UHMK1: variants seen among roughly 807,000 people sequenced by gnomAD.
UHMK1 encodes serine/threonine-protein kinase Kist.
UHMK1 carries 18 observed loss-of-function variants against 44.0 expected under a neutral mutation model. The observed-to-expected ratio is 0.41, with a 90% CI of 0.28 to 0.61. UHMK1 has a LOEUF of 0.61. Ranked by LOEUF, UHMK1 falls within the 20% of genes least tolerant of loss-of-function variation. The probability of loss-of-function intolerance (pLI) is 0.31; values close to 1 mark genes in which losing one functional copy is unlikely to be tolerated. For missense variants in UHMK1, 463 were observed against 522.5 expected, an observed-to-expected ratio of 0.89 and a Z score of 1.11; for synonymous variants, 231 against 198.5, an observed-to-expected ratio of 1.16 and a Z score of -1.38.
Position 162,522,691 on chromosome 1 carries a change from C to A in UHMK1, c.*141C>A. 2.1e-6 allele frequency: 2 copies of A among 937,506 alleles called. No homozygotes were observed. Among genetic ancestry groups the A allele is most frequent in the Non-Finnish European group, 3.1e-6 (2 of 641,746 alleles). 58.1% of individuals were successfully genotyped at this position (937,506 alleles called of 1,614,324 possible). ...ATCCTACTAATGTGCAGCCATTGCC[C>A]AAGCAGTGACTGCGTTGCATACATT... On this transcript the variant is annotated 3_prime_UTR_variant, in exon 8 of 8. Coordinates refer to ENST00000489294, the MANE Select transcript of UHMK1 (RefSeq NM_175866.5).
intron 4 of UHMK1, among the ~76,000 whole-genome samples, chr1:162,508,485 C>G (rs1651554037): frequency 6.7e-6 from 1 of 149,870 alleles, no homozygotes; most frequent in Admixed American, 6.7e-5. Context: ...GAGCAGACCA[C>G]TTGAGGTCAG....
rs1358514101 is a variant in UHMK1, at chr1:162,522,471, T to C, written c.1181T>C (p.Phe394Ser). The stretch of plus-strand genomic sequence containing the variant: ...CAGAAATTACTGACTGGAAGGATGT[T>C]TGATGGGAAGTTTGTTGTGGCTACA... ...AAQKLLTGRM[F>S]DGKFVVATFY... The change falls in exon 8 of 8, where the codon TTT (phenylalanine) becomes TCT (serine). Residue 394 changes from phenylalanine (F) to serine (S), a missense_variant. Transcript: ENST00000489294. The C allele has an allele frequency of 6.2e-7, 1 of 1,614,086 alleles. No individual in the cohort carries two copies. The highest frequency in any genetic ancestry group is 1.3e-5 in the African/African-American group (1 of 74,934).
intron 7 of UHMK1, among the ~76,000 whole-genome samples, chr1:162,520,426 A>G (rs1207093128): frequency 6.6e-6 from 1 of 152,172 alleles, no homozygotes; most frequent in Non-Finnish European, 1.5e-5. Context: ...CTAGGTACCC[A>G]TTGTAAAAGT....
At chr1:162,515,715 T>C (rs1443766175) in intron 6 of UHMK1, among the ~76,000 whole-genome samples, 1 of 152,168 alleles carries the variant, frequency 6.6e-6, no homozygotes, top group Non-Finnish European at 1.5e-5. Context: ...TCATTCTGTC[T>C]ACTCCTAATA....
At chr1:162,509,107 C>A (rs1651578826) in intron 4 of UHMK1, among the ~76,000 whole-genome samples, 1 of 152,026 alleles carries the variant, frequency 6.6e-6, no homozygotes, top group Non-Finnish European at 1.5e-5. Context: ...TTTTATGTTG[C>A]CCATTTTTAT....
At chr1:162,515,153 C>CAA (rs68127050) in intron 6 of UHMK1, among the ~76,000 whole-genome samples, 1 of 151,446 alleles carries the variant, frequency 6.6e-6, no homozygotes, top group African/African-American at 2.4e-5. Flanking sequence ...AAATTTAAAA[C>CAA]AGCAAACAGA....
intron 1 of UHMK1, 75 bp downstream of exon 1, chr1:162,498,343 T>A (rs1337069177): frequency 1.3e-6 from 2 of 1,491,120 alleles, no homozygotes; most frequent in Non-Finnish European, 1.8e-6. Context: ...CTGTCTGGCG[T>A]TCCATCTTCC....
chr1:162,503,860 G>A lies in UHMK1; in HGVS notation c.848+12G>A, dbSNP rs370367796. ...GACCTTATCAAAAGGTATGTTACAC[G>A]TACCATAAACTTGCTTTGCATTCAT... On this transcript the variant is annotated intron_variant, in intron 4 of 7. Transcript: ENST00000489294. 2.9e-5 allele frequency: 47 copies of A among 1,605,872 alleles called. No homozygotes were observed. The African/African-American group carries it at 3.7e-4, about 13-fold the overall frequency.
chr1:162,505,424 A>G (rs967693961), intron 4 of UHMK1, among the ~76,000 whole-genome samples: 1 of 152,200 alleles, frequency 6.6e-6, no homozygotes, highest in Non-Finnish European at 1.5e-5. Flanking sequence ...AAAAAAATAT[A>G]TAGTTATAAA....
At chr1:162,504,463 A>G (rs999819137) in intron 4 of UHMK1, among the ~76,000 whole-genome samples, 2 of 152,210 alleles carry the variant, frequency 1.3e-5, no homozygotes, top group African/African-American at 4.8e-5. Context: ...CCTAGGCTAT[A>G]TTGCACAGTC....
chr1:162,516,071 T>G (rs943749651), intron 6 of UHMK1, among the ~76,000 whole-genome samples: 1 of 152,142 alleles, frequency 6.6e-6, no homozygotes, highest in Non-Finnish European at 1.5e-5. Flanking sequence ...TTGGCCTGTT[T>G]TTGAATAAAC....
chr1:162,510,737 A>C (rs1471467607), intron 4 of UHMK1, among the ~76,000 whole-genome samples: 1 of 151,722 alleles, frequency 6.6e-6, no homozygotes, highest in African/African-American at 2.4e-5. Flanking sequence ...GGTTGATTCC[A>C]TATCTTGTAT....
Position 162,501,051 on chromosome 1 carries a change from GA to G in UHMK1, c.703del (p.Met235CysfsTer5), listed in dbSNP as rs1458731279. Reference sequence around the variant, plus strand: ...GTGGAGCCTAGGAATCATTTTACTGGAAATGTTCTCAGGAATGAAACTGAAA... The same window carrying G: ...GTGGAGCCTAGGAATCATTTTACTGGAATGTTCTCAGGAATGAAACTGAAA... ...DLWSLGIILL[E>X]MFSGMKLKHT... On this transcript the variant is annotated frameshift_variant, in exon 3 of 8. Transcript: ENST00000489294. LOFTEE classifies it high-confidence loss of function. The G allele has an allele frequency of 6.2e-7, 1 of 1,614,120 alleles. No homozygotes were observed. The highest frequency in any genetic ancestry group is 2.2e-5 in the East Asian group (1 of 44,880).
At chr1:162,517,500 G>A (rs565895415) in intron 6 of UHMK1, among the ~76,000 whole-genome samples, 1 of 152,056 alleles carries the variant, frequency 6.6e-6, no homozygotes, top group Non-Finnish European at 1.5e-5. Context: ...GTGATAATTT[G>A]GAAATATCTT....
At chr1:162,502,849 G>A (rs1651324799) in intron 3 of UHMK1, among the ~76,000 whole-genome samples, 1 of 152,028 alleles carries the variant, frequency 6.6e-6, no homozygotes, top group Non-Finnish European at 1.5e-5. Flanking sequence ...GGATAATAAT[G>A]GCATCTATCT....
At chr1:162,501,170 G>A in intron 3 of UHMK1, 66 bp downstream of exon 3, 1 of 1,303,804 alleles carries the variant, frequency 7.7e-7, no homozygotes, top group Non-Finnish European at 1.0e-6. Context: ...AATTTATGAT[G>A]ATTTTTTTTT....
rs1423486623 is a variant in UHMK1 at position 162,527,539 on chromosome 1, C to G, written c.*4989C>G. Reference sequence around the variant, plus strand: ...CCTACCACTCAGCACTTTTGTTCTGCCTTGTACTGCTTATGAGGATTAATG... The same window carrying G: ...CCTACCACTCAGCACTTTTGTTCTGGCTTGTACTGCTTATGAGGATTAATG... On this transcript the variant is annotated 3_prime_UTR_variant, in exon 8 of 8. Coordinates refer to ENST00000489294, the MANE Select transcript of UHMK1 (RefSeq NM_175866.5). 9.9e-5 allele frequency: 15 copies of G among 152,034 alleles called. No individual in the cohort carries two copies. The highest frequency in any genetic ancestry group is 1.6e-4 in the Non-Finnish European group (11 of 67,930). 9.4% of individuals were successfully genotyped at this position (152,034 alleles called of 1,614,324 possible).
Position 162,520,368 on chromosome 1 carries a change from C to T in UHMK1, c.1114-2036C>T, listed in dbSNP as rs550315997. ...GAATACTAATATGTATAATTGTATCCTTGCTGTTTAGTCATTTAACTGATA... is the reference window on the plus strand; with the variant it reads ...GAATACTAATATGTATAATTGTATCTTTGCTGTTTAGTCATTTAACTGATA... On this transcript the variant is annotated intron_variant, in intron 7 of 7. Coordinates refer to ENST00000489294, the MANE Select transcript of UHMK1 (RefSeq NM_175866.5). 3.9e-4 allele frequency among the ~76,000 whole-genome samples: 59 copies of T among 152,108 alleles called. 1 individual carries two copies. The highest frequency in any genetic ancestry group is 2.3e-3 in the Admixed American group (35 of 15,280).
chr1:162,504,285 A>G (rs574342208), intron 4 of UHMK1, among the ~76,000 whole-genome samples: 11 of 152,210 alleles, frequency 7.2e-5, no homozygotes, highest in Non-Finnish European at 1.6e-4. Flanking sequence ...AGTTTTTCTG[A>G]TATCTGAATA....
Sources: allele counts gnomAD v4.1 joint callset (sites outside exome capture counted in the v4.1 genomes callset), GRCh38; gene constraint gnomAD v4.1.1; transcripts MANE v1.5; gene names NCBI Gene and HGNC (gene_info 2026-07-23, HGNC 2026-07-21).